Variants in AK9 observed in about 807,000 individuals in gnomAD.
The protein encoded by AK9 is adenylate kinase 9.
In AK9, 191 loss-of-function variants were observed where a neutral mutation model predicts 239.6. That is an observed-to-expected ratio of 0.80 (90% CI 0.71 to 0.90). The LOEUF (loss-of-function observed/expected upper bound fraction) is 0.90, where lower values mean the gene tolerates loss of function less well. AK9 is among the 40% of genes least tolerant of loss of function. The pLI, the probability that AK9 is intolerant of heterozygous loss-of-function variation, is 0.00. For missense variants in AK9, 1,995 were observed against 2,214.7 expected (o/e 0.90, Z 1.99); for synonymous variants, 689 against 721.0 (o/e 0.96, Z 0.71).
Position 109,545,911 on chromosome 6 carries a change from T to C in AK9, c.3181A>G (p.Ile1061Val), listed in dbSNP as rs1783494943. The change falls in exon 26 of 41, where the codon ATT becomes GTT. Residue 1061 changes from isoleucine (I) to valine (V), a missense_variant. Physicochemically the swap from Ile to Val is conservative, Grantham distance 29 (BLOSUM62 3). Coordinates refer to ENST00000424296, the MANE Select transcript of AK9 (RefSeq NM_001145128.3). The part of the protein sequence containing the change: ...AAKQELEELA[I>V]QANVKVEEEN... ...TCCTCAACTTTGACATTGGCCTGAA[T>C]TGCAAGCTCTTCAAGTTCTTGTTTG... 1 of 1,612,454 alleles carries C rather than the reference T, an allele frequency of 6.2e-7. No homozygotes were observed. The highest frequency in any genetic ancestry group is 1.3e-5 in the African/African-American group (1 of 74,718).
chr6:109,626,644 A>G (rs1298839197), intron 12 of AK9, among the ~76,000 whole-genome samples: 2 of 152,240 alleles, frequency 1.3e-5, no homozygotes, highest in Non-Finnish European at 2.9e-5. Context: ...CTCCTAGGCT[A>G]CAAACCTGTA....
At position 109,529,070 on chromosome 6, in the gene AK9, C is replaced by A; in HGVS notation, c.3574G>T (p.Asp1192Tyr). ...TCAGCCCTTCTTTTAGCAATCGTATCAACCTGTTAAAGAAAGAGACATTAA... is the reference window on the plus strand; with the variant it reads ...TCAGCCCTTCTTTTAGCAATCGTATAAACCTGTTAAAGAAAGAGACATTAA... ...IKDMKAKIRV[D>Y]TIAKRRAELI... Residue 1192 changes from aspartate (D) to tyrosine (Y), a missense_variant, in exon 29 of 41, where the codon GAT becomes TAT. Asp to Tyr is a radical substitution (Grantham distance 160). Around this residue, in one of 5 missense-constraint regions of AK9, gnomAD observed 1,290 missense variants for 1,392.7 expected, o/e 0.93. Transcript: ENST00000424296. 6.4e-7 allele frequency: 1 copy of A among 1,570,234 alleles called. No homozygotes were observed. The highest frequency in any genetic ancestry group is 8.6e-7 in the Non-Finnish European group (1 of 1,166,346).
chr6:109,637,584 T>C (rs1353570258), intron 10 of AK9, among the ~76,000 whole-genome samples: 1 of 152,172 alleles, frequency 6.6e-6, no homozygotes, highest in East Asian at 1.9e-4. Flanking sequence ...TCCTATTTTG[T>C]TTTGTTTCAC....
chr6:109,588,890 T>A (rs1789866627), intron 17 of AK9, among the ~76,000 whole-genome samples: 1 of 152,246 alleles, frequency 6.6e-6, no homozygotes, highest in African/African-American at 2.4e-5. Flanking sequence ...GTTGTAGGTA[T>A]GTGGCTTTAG....
chr6:109,662,092 A>G (rs1800499797), intron 6 of AK9, among the ~76,000 whole-genome samples: 2 of 152,224 alleles, frequency 1.3e-5, no homozygotes, highest in Admixed American at 1.3e-4. Context: ...TTATATGAGC[A>G]AGACATGGTT....
intron 29 of AK9, 117 bp downstream of exon 29, chr6:109,528,894 G>C: frequency 6.0e-6 from 9 of 1,501,538 alleles, no homozygotes; most frequent in Non-Finnish European, 7.1e-6. Flanking sequence ...GGCTGAGGTG[G>C]GAGGATCCCT....
chr6:109,612,887 AT>A (rs1793741498), intron 15 of AK9, among the ~76,000 whole-genome samples: 1 of 150,146 alleles, frequency 6.7e-6, no homozygotes, highest in Non-Finnish European at 1.5e-5. Flanking sequence ...ACACAAATAT[AT>A]TTATATAAAA....
chr6:109,663,541 CATT>C (rs1475014986), intron 5 of AK9, among the ~76,000 whole-genome samples: 1 of 152,098 alleles, frequency 6.6e-6, no homozygotes, highest in Non-Finnish European at 1.5e-5. Flanking sequence ...AACTTACATC[CATT>C]ATTAAGAAAA....
intron 15 of AK9, among the ~76,000 whole-genome samples, chr6:109,612,657 C>T (rs1424047785): frequency 2.0e-5 from 3 of 151,970 alleles, no homozygotes; most frequent in African/African-American, 7.3e-5. Context: ...TCTGTGAAGG[C>T]TGTGTGTGTT....
At chr6:109,632,483 G>T in intron 12 of AK9, 1 of 319,624 alleles carries the variant, frequency 3.1e-6, no homozygotes, top group Non-Finnish European at 4.5e-6. Flanking sequence ...TGAGAGTGGA[G>T]AACAAGATTA....
At chr6:109,500,515 A>C (rs1777505321) in intron 35 of AK9, among the ~76,000 whole-genome samples, 1 of 152,222 alleles carries the variant, frequency 6.6e-6, no homozygotes, top group African/African-American at 2.4e-5. Context: ...TCGTTTTACC[A>C]AGGCAAAGTT....
chr6:109,629,887 C>A (rs959612615), intron 12 of AK9, among the ~76,000 whole-genome samples: 2 of 152,026 alleles, frequency 1.3e-5, no homozygotes, highest in Admixed American at 6.6e-5. Flanking sequence ...CCCGCCTCGG[C>A]CTCCCAACGT....
chr6:109,609,261 A>T (rs1221212836), intron 17 of AK9, among the ~76,000 whole-genome samples: 3 of 152,164 alleles, frequency 2.0e-5, no homozygotes, highest in Non-Finnish European at 4.4e-5. Flanking sequence ...TCACTTGCAG[A>T]TCTCCTCTGG....
chr6:109,664,145 TA>T (rs1800837299), intron 5 of AK9, among the ~76,000 whole-genome samples: 1 of 152,212 alleles, frequency 6.6e-6, no homozygotes, highest in Non-Finnish European at 1.5e-5. Flanking sequence ...TCTAAACAGA[TA>T]TTTTTTAAAG....
At chr6:109,632,805 C>T (rs1796230182) in intron 12 of AK9, 118 bp downstream of exon 12, 7 of 1,372,096 alleles carry the variant, frequency 5.1e-6, no homozygotes, top group African/African-American at 1.5e-5. Context: ...ATTTTAAAAA[C>T]TGAGTACAAA....
intron 35 of AK9, among the ~76,000 whole-genome samples, chr6:109,499,981 T>C (rs1043034180): frequency 2.6e-5 from 4 of 151,798 alleles, no homozygotes; most frequent in African/African-American, 9.7e-5. Context: ...ATTTATCTAT[T>C]GGTGAATGTT....
At chr6:109,531,774 T>A (rs1781298226) in intron 28 of AK9, among the ~76,000 whole-genome samples, 1 of 152,158 alleles carries the variant, frequency 6.6e-6, no homozygotes, top group Non-Finnish European at 1.5e-5. Flanking sequence ...ACTTACAGAA[T>A]CTCTCGCATA....
intron 20 of AK9, chr6:109,579,269 C>G (rs368823783): frequency 5.3e-5 from 15 of 284,364 alleles, no homozygotes; most frequent in African/African-American, 3.3e-4. Flanking sequence ...GTGTGCTATT[C>G]TGCTGTGTAT....
In AK9 at chr6:109,564,047, GT is replaced by G. The variant is rs1377726043; in HGVS notation, c.2635+32del. ...AATGCTTCTAATACTATCACCTGCT[GT>G]TGATAATAAATGTTATGATTAAAGC... is the stretch of plus-strand genomic sequence containing the variant. On this transcript the variant is annotated intron_variant, in intron 23 of 40. Coordinates refer to ENST00000424296, the MANE Select transcript of AK9 (RefSeq NM_001145128.3). 3 of 1,521,668 alleles carry G rather than the reference GT, an allele frequency of 2.0e-6. No homozygotes were observed. In the African/African-American group the frequency reaches 4.2e-5, roughly 21 times the overall value. 94.3% of individuals were successfully genotyped at this position (1,521,668 alleles called of 1,614,324 possible).
Sources: gnomAD v4.1 joint callset for allele counts (sites outside exome capture counted in the v4.1 genomes callset) on GRCh38, gnomAD v4.1.1 for gene constraint, gnomAD v4.1.1 regional missense constraint, MANE v1.5 for transcripts, NCBI Gene and HGNC (gene_info 2026-07-23, HGNC 2026-07-21) for gene names.